Variants in EIF4G3 observed in about 807,000 individuals in gnomAD.
EIF4G3 encodes eukaryotic translation initiation factor 4 gamma 3.
Under a neutral mutation model 186.4 loss-of-function variants are expected in EIF4G3, and 34 were observed. The ratio of observed to expected loss-of-function variants is 0.18; its 90% CI spans 0.14 to 0.24. EIF4G3 has a LOEUF of 0.24. Ranked by LOEUF, EIF4G3 falls within the 10% of genes least tolerant of loss-of-function variation. EIF4G3 has a pLI of 1.00. For synonymous variants in EIF4G3, 673 were observed against 679.5 expected, an observed-to-expected ratio of 0.99 and a Z score of 0.15; for missense variants, 1,536 against 1,948.5, an observed-to-expected ratio of 0.79 and a Z score of 3.99.
chr1:20,821,798 CACCA>C (rs2062446211), intron 33 of EIF4G3, among the ~76,000 whole-genome samples: 1 of 152,032 alleles, frequency 6.6e-6, no homozygotes, highest in African/African-American at 2.4e-5. Context: ...ATGTATACTT[CACCA>C]TCTTCCCTAT....
intron 12 of EIF4G3, among the ~76,000 whole-genome samples, chr1:20,954,457 A>C (rs1004617445): frequency 6.9e-6 from 1 of 144,734 alleles, no homozygotes; most frequent in African/African-American, 2.6e-5. Flanking sequence ...AATTGCTTGA[A>C]CTCGGGGGGT....
chr1:20,904,492 T>G (rs551275386), intron 15 of EIF4G3, among the ~76,000 whole-genome samples: 1 of 152,098 alleles, frequency 6.6e-6, no homozygotes, highest in Non-Finnish European at 1.5e-5. Context: ...ACCACAGGTA[T>G]GCGCCACCAT....
chr1:21,154,119 A>T (rs2097594569), intron 2 of EIF4G3, among the ~76,000 whole-genome samples: 3 of 152,232 alleles, frequency 2.0e-5, no homozygotes, highest in African/African-American at 7.2e-5. Context: ...TTATTAGTTT[A>T]ATGGAATTTG....
chr1:20,911,168 C>T (rs1318620604), intron 14 of EIF4G3, among the ~76,000 whole-genome samples: 1 of 152,096 alleles, frequency 6.6e-6, no homozygotes, highest in Admixed American at 6.6e-5. Flanking sequence ...GTGTATGATT[C>T]TGATCTCCAG....
At chr1:21,061,349 C>T (rs983964195) in intron 3 of EIF4G3, among the ~76,000 whole-genome samples, 4 of 152,012 alleles carry the variant, frequency 2.6e-5, no homozygotes, top group South Asian at 2.1e-4. Flanking sequence ...ATTTTTGGAT[C>T]GGGATGTTCA....
intron 4 of EIF4G3, among the ~76,000 whole-genome samples, chr1:21,049,338 T>G (rs1188107701): frequency 1.3e-5 from 2 of 152,166 alleles, no homozygotes; most frequent in Admixed American, 1.3e-4. Context: ...AAGCGTTTGC[T>G]CTTTATATCT....
intron 29 of EIF4G3, chr1:20,848,065 C>CA: frequency 3.1e-6 from 1 of 324,564 alleles, no homozygotes; most frequent in Non-Finnish European, 6.0e-6. Flanking sequence ...TCCCGGGCTT[C>CA]AAGTGATCCT....
intron 33 of EIF4G3, among the ~76,000 whole-genome samples, chr1:20,823,884 C>T (rs926730109): frequency 1.3e-5 from 2 of 152,136 alleles, no homozygotes; most frequent in Non-Finnish European, 2.9e-5. Context: ...CAAGTGTCAA[C>T]TCATATATTT....
intron 7 of EIF4G3, among the ~76,000 whole-genome samples, chr1:20,985,682 C>G (rs1458917448): frequency 6.6e-6 from 1 of 152,136 alleles, no homozygotes; most frequent in Non-Finnish European, 1.5e-5. Context: ...ATTTCCCAAA[C>G]TGCTTGCAAT....
At chr1:21,142,379 T>A (rs1034927554) in intron 2 of EIF4G3, among the ~76,000 whole-genome samples, 20 of 150,788 alleles carry the variant, frequency 1.3e-4, no homozygotes, top group Admixed American at 3.3e-4. Context: ...GTGCACCATG[T>A]GCCTGCAGTC....
At chr1:21,060,794 A>C (rs1158315456) in intron 3 of EIF4G3, among the ~76,000 whole-genome samples, 2 of 68,474 alleles carry the variant, frequency 2.9e-5, no homozygotes, top group East Asian at 4.5e-4. Context: ...AAAAAAAAAA[A>C]AAAAAAAAAA....
At chr1:21,102,244 A>G (rs1339063608) in intron 2 of EIF4G3, among the ~76,000 whole-genome samples, 2 of 152,172 alleles carry the variant, frequency 1.3e-5, no homozygotes, top group African/African-American at 2.4e-5. Flanking sequence ...TGAGGTCAGG[A>G]GTTTGAGACC....
intron 2 of EIF4G3, among the ~76,000 whole-genome samples, chr1:21,096,133 G>C (rs1342395267): frequency 6.6e-6 from 1 of 152,040 alleles, no homozygotes; most frequent in Non-Finnish European, 1.5e-5. Flanking sequence ...GCAAAAATAT[G>C]GAATCAACCT....
In EIF4G3 at chr1:20,981,016, G is replaced by A. The variant is rs1164478567; in HGVS notation, c.378+32C>T. 4 of 1,467,638 alleles carry A rather than the reference G, an allele frequency of 2.7e-6. No individual in the cohort carries two copies. In the South Asian group the frequency reaches 4.7e-5, roughly 17 times the overall value. 90.9% of individuals were successfully genotyped at this position (1,467,638 alleles called of 1,614,324 possible). A position where few individuals can be genotyped will look rare whatever the true frequency, so the allele number is the denominator to read the frequency against. ...AATCCGGGTTAATTTCCACTCTATT[G>A]CTGGACCACCTAGGCCTCAAAGATA... On this transcript the variant is annotated intron_variant, in intron 9 of 36. Transcript: ENST00000602326.
In EIF4G3 at chr1:20,997,628, T is replaced by A. The variant is rs1408814820; in HGVS notation, c.150A>T (p.Ala50=). Residue 50 remains alanine (A), a synonymous_variant, in exon 7 of 37, where the codon GCA becomes GCT. Coordinates refer to ENST00000602326, the MANE Select transcript of EIF4G3 (RefSeq NM_001391906.1). ...GRGWIKYCIF[A]AGPRPPHHQG... ...GATGATGGGGAGGTCGAGGCCCCGC[T>A]GCAAACTGAGAAAAGGAGGGAAAAC... The A allele has an allele frequency of 1.3e-6, 2 of 1,542,878 alleles. No homozygotes were observed. Among genetic ancestry groups the A allele is most frequent in the Non-Finnish European group, 1.7e-6 (2 of 1,143,638 alleles).
chr1:21,128,052 A>G (rs1287222967), intron 2 of EIF4G3, among the ~76,000 whole-genome samples: 1 of 151,798 alleles, frequency 6.6e-6, no homozygotes. Context: ...AAAAAAATAC[A>G]AAAAATTAGC....
intron 7 of EIF4G3, among the ~76,000 whole-genome samples, chr1:20,985,521 A>T (rs2079268082): frequency 7.3e-6 from 1 of 136,308 alleles, no homozygotes; most frequent in African/African-American, 2.6e-5. Flanking sequence ...AATGCAAAAA[A>T]AAAAAAAAAT....
chr1:21,141,676 C>A (rs2097342168), intron 2 of EIF4G3, among the ~76,000 whole-genome samples: 1 of 152,044 alleles, frequency 6.6e-6, no homozygotes, highest in African/African-American at 2.4e-5. Context: ...TGCCTGTTAT[C>A]CCAACACTTT....
At chr1:21,108,662 G>A (rs1227984919) in intron 2 of EIF4G3, among the ~76,000 whole-genome samples, 4 of 147,132 alleles carry the variant, frequency 2.7e-5, no homozygotes, top group Admixed American at 6.8e-5. Context: ...CCAGCACTTC[G>A]GGAGGCCAAG....
Sources: allele counts gnomAD v4.1 joint callset (sites outside exome capture counted in the v4.1 genomes callset), GRCh38; gene constraint gnomAD v4.1.1; transcripts MANE v1.5; gene names NCBI Gene and HGNC (gene_info 2026-07-23, HGNC 2026-07-21).